The following SFSWAP variants were observed in gnomAD, a reference collection of about 807,000 sequenced individuals.
SFSWAP encodes splicing factor SWAP.
SFSWAP carries 17 observed loss-of-function variants against 100.7 expected under a neutral mutation model. The observed-to-expected ratio is 0.17, with a 90% CI of 0.12 to 0.25. SFSWAP has a LOEUF of 0.25. SFSWAP is among the 10% of genes least tolerant of loss of function. SFSWAP has a pLI of 1.00. For synonymous variants in SFSWAP, 504 were observed against 510.1 expected (o/e 0.99, Z 0.16); for missense variants, 1,005 against 1,262.6 (o/e 0.80, Z 3.09).
chr12:131,750,297 G>A (rs1473515747), intron 7 of SFSWAP, among the ~76,000 whole-genome samples: 2 of 152,256 alleles, frequency 1.3e-5, no homozygotes, highest in African/African-American at 2.4e-5. Flanking sequence ...AGTGCCATAG[G>A]ACACGTCCCA....
chr12:131,756,156 A>T (rs1016149307), intron 10 of SFSWAP, among the ~76,000 whole-genome samples: 4 of 152,268 alleles, frequency 2.6e-5, no homozygotes, highest in Admixed American at 2.0e-4. Context: ...GGTGATGGGG[A>T]TAATTTGGTA....
Position 131,746,911 on chromosome 12 carries a change from T to C in SFSWAP, c.1082-6212T>C, listed in dbSNP as rs565740260. On this transcript the variant is annotated intron_variant, in intron 7 of 17. Coordinates refer to ENST00000261674, the MANE Select transcript of SFSWAP (RefSeq NM_004592.4). ...TGAGGTCAGGAGATCGAGACCATCCTGGCTAACACGGTGAAACCCGGTCTC... is the reference window on the plus strand; with the variant it reads ...TGAGGTCAGGAGATCGAGACCATCCCGGCTAACACGGTGAAACCCGGTCTC... Among the ~76,000 whole-genome samples, 8 of 152,232 alleles carry C rather than the reference T, an allele frequency of 5.3e-5. No individual in the cohort carries two copies. The South Asian group carries it at 1.0e-3, about 20-fold the overall frequency.
intron 7 of SFSWAP, among the ~76,000 whole-genome samples, chr12:131,735,569 CA>C (rs1308992634): frequency 6.6e-6 from 1 of 152,132 alleles, no homozygotes; most frequent in Non-Finnish European, 1.5e-5. Context: ...GCGCTTTAAG[CA>C]AAATAGGCGG....
intron 7 of SFSWAP, among the ~76,000 whole-genome samples, chr12:131,750,370 C>T (rs569060113): frequency 6.6e-6 from 1 of 152,322 alleles, no homozygotes; most frequent in South Asian, 2.1e-4. Flanking sequence ...CTTTATTTCT[C>T]TTGGAGTCCT....
At chr12:131,782,430 G>A (rs1289014527) in intron 14 of SFSWAP, among the ~76,000 whole-genome samples, 1 of 152,154 alleles carries the variant, frequency 6.6e-6, no homozygotes, top group Non-Finnish European at 1.5e-5. Context: ...CCAAAATATT[G>A]AAAGTGTTAA....
chr12:131,722,714 G>A (rs766125764), intron 4 of SFSWAP, among the ~76,000 whole-genome samples: 5 of 150,910 alleles, frequency 3.3e-5, no homozygotes, highest in African/African-American at 4.9e-5. Flanking sequence ...TTGGGAGGCC[G>A]AGGTGGGAGA....
chr12:131,761,370 C>T (rs139442366), intron 11 of SFSWAP, among the ~76,000 whole-genome samples: 255 of 152,304 alleles, frequency 1.7e-3, no homozygotes, highest in African/African-American at 5.8e-3. Context: ...CATCTGTCCC[C>T]GCATGGTCCC....
chr12:131,719,356 AG>A (rs1878243360), intron 3 of SFSWAP, 97 bp from the exon 4 acceptor site: 1 of 816,692 alleles, frequency 1.2e-6, no homozygotes, highest in Non-Finnish European at 2.1e-6. Flanking sequence ...GTAAAGAAGC[AG>A]GGACAGCCAG....
intron 15 of SFSWAP, among the ~76,000 whole-genome samples, chr12:131,786,861 G>T (rs575075621): frequency 2.0e-5 from 3 of 152,160 alleles, no homozygotes; most frequent in Admixed American, 2.0e-4. Flanking sequence ...CTGGTACCTC[G>T]GCTGGGTCCA....
intron 7 of SFSWAP, among the ~76,000 whole-genome samples, chr12:131,747,200 A>G (rs1215157086): frequency 2.6e-5 from 4 of 151,826 alleles, no homozygotes; most frequent in African/African-American, 9.7e-5. Flanking sequence ...CTGCCATGCC[A>G]GGAACACAGT....
intron 7 of SFSWAP, among the ~76,000 whole-genome samples, chr12:131,738,900 T>C (rs1339403621): frequency 1.7e-5 from 2 of 119,574 alleles, no homozygotes; most frequent in African/African-American, 6.0e-5. Flanking sequence ...TTTTTTTTTT[T>C]TTTTTTTTTG....
intron 13 of SFSWAP, among the ~76,000 whole-genome samples, chr12:131,772,679 G>A (rs1237333513): frequency 6.6e-6 from 1 of 152,218 alleles, no homozygotes; most frequent in East Asian, 1.9e-4. Flanking sequence ...CCATCTGGGA[G>A]TGGGTGTCTG....
chr12:131,793,886 G>A (rs556180290), intron 15 of SFSWAP, among the ~76,000 whole-genome samples: 14 of 152,048 alleles, frequency 9.2e-5, no homozygotes, highest in East Asian at 3.9e-4. Context: ...GGGGTCACCC[G>A]TCCCTAAAAA....
chr12:131,798,664 TG>T (rs1885851135), intron 16 of SFSWAP, among the ~76,000 whole-genome samples: 1 of 152,040 alleles, frequency 6.6e-6, no homozygotes, highest in South Asian at 2.1e-4. Context: ...CCAAGGCGGG[TG>T]GATCACCTGA....
intron 11 of SFSWAP, among the ~76,000 whole-genome samples, chr12:131,762,090 G>A (rs1882721817): frequency 6.6e-6 from 1 of 152,138 alleles, no homozygotes; most frequent in Non-Finnish European, 1.5e-5. Context: ...AAAATTAGCT[G>A]GGCATGGTGG....
At chr12:131,758,342 C>T (rs1427564277) in intron 11 of SFSWAP, among the ~76,000 whole-genome samples, 4 of 152,130 alleles carry the variant, frequency 2.6e-5, no homozygotes, top group East Asian at 3.9e-4. Context: ...AGAAGTTTAC[C>T]GTCTACATCC....
At chr12:131,788,407 C>T (rs1008435582) in intron 15 of SFSWAP, among the ~76,000 whole-genome samples, 1 of 152,118 alleles carries the variant, frequency 6.6e-6, no homozygotes, top group African/African-American at 2.4e-5. Context: ...AACTGTGATT[C>T]ACTAGGAACT....
intron 14 of SFSWAP, among the ~76,000 whole-genome samples, chr12:131,779,115 C>T (rs1044977566): frequency 6.7e-6 from 1 of 149,322 alleles, no homozygotes; most frequent in Non-Finnish European, 1.5e-5. Context: ...CTCACCGGTG[C>T]CACACTCTGC....
chr12:131,785,297 A>G (rs1884813999), intron 14 of SFSWAP: 1 of 1,418,074 alleles, frequency 7.1e-7, no homozygotes, highest in Non-Finnish European at 9.5e-7. Context: ...AAAAATCAAA[A>G]CGATTCTGTC....
Sources: allele counts gnomAD v4.1 joint callset (sites outside exome capture counted in the v4.1 genomes callset), GRCh38; gene constraint gnomAD v4.1.1; transcripts MANE v1.5; gene names NCBI Gene and HGNC (gene_info 2026-07-23, HGNC 2026-07-21).